Variants in BEST1 observed in about 807,000 individuals in gnomAD.
The protein encoded by BEST1 is bestrophin-1.
A neutral mutation model predicts 63.3 loss-of-function variants in BEST1; 58 were observed. The ratio of observed to expected loss-of-function variants is 0.92; its 90% CI spans 0.74 to 1.14. BEST1 has a LOEUF of 1.14. BEST1 is among the 50% of genes most tolerant of loss of function. The pLI is 0.00. For synonymous variants in BEST1, 283 were observed against 291.6 expected, an observed-to-expected ratio of 0.97 and a Z score of 0.30; for missense variants, 671 against 740.1, an observed-to-expected ratio of 0.91 and a Z score of 1.08.
intron 3 of BEST1, chr11:61,955,493 T>C: frequency 8.5e-7 from 1 of 1,171,524 alleles, no homozygotes; most frequent in Non-Finnish European, 1.2e-6. Context: ...CTGGCGGATT[T>C]CTGGGACCAG....
chr11:61,963,971 C>G (rs374722361), intron 10 of BEST1, 133 bp from the exon 11 acceptor site: 9 of 1,503,534 alleles, frequency 6.0e-6, no homozygotes, highest in Non-Finnish European at 8.0e-6. Context: ...CCAGCCTGGG[C>G]GACGGAGTGA....
chr11:61,963,001 G>A (rs777984288), intron 10 of BEST1, 108 bp downstream of exon 10: 6 of 1,599,774 alleles, frequency 3.8e-6, no homozygotes, highest in Non-Finnish European at 5.1e-6. Flanking sequence ...TTCCATCACT[G>A]CCAGAGCACA....
In BEST1 at chr11:61,959,945, G is replaced by A. The variant is rs372081341; in HGVS notation, c.1002G>A (p.Pro334=). ...ACCAGGACCTGCCTCGGATGGAGCC[G>A]GACATGTACTGGAATAAGCCCGAGC... The part of the protein sequence containing the change: ...EMHQDLPRME[P]DMYWNKPEPQ... Residue 334 remains proline (P), a synonymous_variant, in exon 9 of 11, where the codon CCG becomes CCA. Transcript: ENST00000378043. 7.7e-5 allele frequency: 124 copies of A among 1,613,010 alleles called. No individual in the cohort carries two copies. In the African/African-American group the frequency reaches 1.3e-3, roughly 18 times the overall value.
intron 2 of BEST1, among the ~76,000 whole-genome samples, chr11:61,953,566 C>T (rs543734715): frequency 2.0e-5 from 3 of 152,196 alleles, no homozygotes; most frequent in South Asian, 2.1e-4. Flanking sequence ...AAAAATTAGC[C>T]GAGTGGGGTG....
Position 61,960,167 on chromosome 11 carries a change from G to T in BEST1, c.1100+124G>T, listed in dbSNP as rs1941915844. The T allele has an allele frequency of 3.9e-6, 5 of 1,293,920 alleles. No homozygotes were observed. The Admixed American group carries it at 1.1e-4, about 28-fold the overall frequency. The allele number at this position is 1,293,920 out of a possible 1,614,324, so 80.2% of individuals were successfully genotyped here. A position where few individuals can be genotyped will look rare whatever the true frequency, so the allele number is the denominator to read the frequency against. The stretch of plus-strand genomic sequence containing the variant: ...CAGTAAGTGTCAGGCACTGTACTAT[G>T]CTCTTTATAAACATTAACTATTTTT... On this transcript the variant is annotated intron_variant, in intron 9 of 10. Transcript: ENST00000378043.
At chr11:61,957,130 C>G in intron 5 of BEST1, 132 bp downstream of exon 5, 1 of 1,382,340 alleles carries the variant, frequency 7.2e-7, no homozygotes, top group Admixed American at 1.9e-5. Context: ...GTTGCAGAAT[C>G]TTTTCCAACA....
chr11:61,958,032 G>A, intron 6 of BEST1, 114 bp from the exon 7 acceptor site: 1 of 1,545,144 alleles, frequency 6.5e-7, no homozygotes, highest in Non-Finnish European at 8.9e-7. Context: ...TCACATAAGT[G>A]TGCAAGTCAG....
rs2134455868 is a variant in BEST1, at chr11:61,959,960, T to C, written c.1017T>C (p.Asn339=). ...LPRMEPDMYW[N]KPEPQPPYTA... ...GGATGGAGCCGGACATGTACTGGAATAAGCCCGAGCCACAGCCCCCCTACA... is the reference window on the plus strand; with the variant it reads ...GGATGGAGCCGGACATGTACTGGAACAAGCCCGAGCCACAGCCCCCCTACA... The change falls in exon 9 of 11, where the codon AAT becomes AAC. Residue 339 remains asparagine (N), a synonymous_variant. Transcript: ENST00000378043. The C allele has an allele frequency of 6.2e-7, 1 of 1,612,660 alleles. No individual in the cohort carries two copies. Among genetic ancestry groups the C allele is most frequent in the Non-Finnish European group, 8.5e-7 (1 of 1,179,508 alleles).
intron 9 of BEST1, chr11:61,961,799 C>T: frequency 5.0e-6 from 1 of 201,628 alleles, no homozygotes; most frequent in East Asian, 1.2e-4. Context: ...GTCTGGGGCT[C>T]CCGGGATGCC....
At chr11:61,958,376 G>A in intron 7 of BEST1, 78 bp downstream of exon 7, 2 of 1,608,164 alleles carry the variant, frequency 1.2e-6, no homozygotes, top group Non-Finnish European at 1.7e-6. Context: ...AGACGAGGAT[G>A]CAGTGTCAGG....
chr11:61,958,979 G>A (rs1941737233), intron 7 of BEST1: 1 of 247,824 alleles, frequency 4.0e-6, no homozygotes, highest in African/African-American at 2.3e-5. Flanking sequence ...GGTTTCTGCA[G>A]ATCAAAACAA....
At chr11:61,956,050 C>G in intron 4 of BEST1, 99 bp downstream of exon 4, 11 of 1,205,912 alleles carry the variant, frequency 9.1e-6, no homozygotes, top group African/African-American at 1.5e-5. Flanking sequence ...GTCCCCCGGA[C>G]TCGGGGGATT....
chr11:61,962,990 G>T, intron 10 of BEST1, 97 bp downstream of exon 10: 1 of 1,606,466 alleles, frequency 6.2e-7, no homozygotes, highest in Admixed American at 1.7e-5. Context: ...ATTTCCTAGG[G>T]TTCCATCACT....
At chr11:61,965,456 G>T (rs757136218), downstream of BEST1, 2 of 1,610,654 alleles carry the variant, frequency 1.2e-6, no homozygotes, top group South Asian at 2.2e-5. Context: ...CATGAGATTG[G>T]TGAAGAAAGT....
Position 61,959,986 on chromosome 11 carries a change from C to G in BEST1, c.1043C>G (p.Thr348Arg). 1 of 1,612,422 alleles carries G rather than the reference C, an allele frequency of 6.2e-7. No homozygotes were observed. The highest frequency in any genetic ancestry group is 8.5e-7 in the Non-Finnish European group (1 of 1,179,394). Reference protein sequence around the residue: ...WNKPEPQPPYTAASAQFRRAS... With the variant: ...WNKPEPQPPYRAASAQFRRAS... The stretch of plus-strand genomic sequence containing the variant: ...AAGCCCGAGCCACAGCCCCCCTACA[C>G]AGCTGCTTCCGCCCAGTTCCGTCGA... The change falls in exon 9 of 11, where the codon ACA (threonine) becomes AGA (arginine). Residue 348 changes from threonine to arginine, a missense_variant. Coordinates refer to ENST00000378043, the MANE Select transcript of BEST1 (RefSeq NM_004183.4).
intron 9 of BEST1, 137 bp downstream of exon 9, chr11:61,960,180 A>C: frequency 8.4e-7 from 1 of 1,196,310 alleles, no homozygotes; most frequent in Non-Finnish European, 1.2e-6. Context: ...CTTTATAAAC[A>C]TTAACTATTT....
In BEST1 at chr11:61,962,879, G is replaced by A. The variant is rs779295905; in HGVS notation, c.1725G>A (p.Trp575Ter). The change falls in exon 10 of 11, where the codon TGG becomes TGA. Residue 575 changes from tryptophan (W) to a stop codon, truncating the protein, a stop_gained. Transcript: ENST00000378043. LOFTEE classifies it high-confidence loss of function. ...TCAAAGATCACATGGATCCTTATTG[G>A]GCCTTGGAAAACAGGTCTGTCCTCC... ...TTLKDHMDPY[W>*]ALENRDEAHS 3 of 1,614,036 alleles carry A rather than the reference G, an allele frequency of 1.9e-6. No homozygotes were observed. Among genetic ancestry groups the A allele is most frequent in the Admixed American group, 1.7e-5 (1 of 60,004 alleles).
chr11:61,965,320 G>C, downstream of BEST1: 1 of 1,610,710 alleles, frequency 6.2e-7, no homozygotes, highest in African/African-American at 1.3e-5. Context: ...TCTGATACCC[G>C]AACACTGCCA....
At chr11:61,950,190 G>A, upstream of BEST1, 1 of 152,660 alleles carries the variant, frequency 6.6e-6, no homozygotes, top group Non-Finnish European at 1.5e-5. Flanking sequence ...AATTAGAGGG[G>A]CCATGGCCAG....
Sources: allele counts gnomAD v4.1 joint callset (sites outside exome capture counted in the v4.1 genomes callset), GRCh38; gene constraint gnomAD v4.1.1; transcripts MANE v1.5; gene names NCBI Gene and HGNC (gene_info 2026-07-23, HGNC 2026-07-21).